Variants in CSMD1 observed in about 807,000 individuals in gnomAD.
CSMD1 encodes CUB and sushi domain-containing protein 1.
A neutral mutation model predicts 417.5 loss-of-function variants in CSMD1; 213 were observed. The observed-to-expected ratio is 0.51, with a 90% confidence interval of 0.46 to 0.57. The LOEUF is 0.57. Ranked by LOEUF, CSMD1 falls within the 20% of genes least tolerant of loss-of-function variation. The probability of loss-of-function intolerance (pLI) is 0.00; values close to 1 mark genes in which losing one functional copy is unlikely to be tolerated. For missense variants in CSMD1, 6,923 were observed against 4,529.7 expected (o/e 1.53, Z -15.17); for synonymous variants, 2,862 against 1,736.8 (o/e 1.65, Z -16.11).
At chr8:4,658,927 G>A (rs1218977473) in intron 1 of CSMD1, among the ~76,000 whole-genome samples, 1 of 152,102 alleles carries the variant, frequency 6.6e-6, no homozygotes, top group Non-Finnish European at 1.5e-5. Flanking sequence ...GATATTAATA[G>A]AACTAGATTG....
rs560400765 is a variant in CSMD1 at position 3,287,268 on chromosome 8, T to C, written c.3951-2922A>G. Among the ~76,000 whole-genome samples the C allele has an allele frequency of 2.2e-3, 326 of 151,594 alleles. 3 individuals are homozygous for C. Among genetic ancestry groups the C allele is most frequent in the African/African-American group, 7.3e-3 (303 of 41,356 alleles). On this transcript the variant is annotated intron_variant, in intron 25 of 69. Transcript: ENST00000635120. ...CCAGCTTTGTTCTTTTGGCTTAGGA[T>C]TGACTTGGTGATTCGGGCTCTTTTT...
intron 19 of CSMD1, among the ~76,000 whole-genome samples, chr8:3,368,349 T>C (rs1809734992): frequency 6.6e-6 from 1 of 152,158 alleles, no homozygotes; most frequent in Non-Finnish European, 1.5e-5. Flanking sequence ...GTTTATTTTA[T>C]TTTTTGAGAT....
intron 8 of CSMD1, among the ~76,000 whole-genome samples, chr8:3,591,115 T>C (rs981078172): frequency 2.0e-5 from 3 of 152,176 alleles, no homozygotes; most frequent in Non-Finnish European, 4.4e-5. Flanking sequence ...AGACAATTGT[T>C]AGTAGTTAGT....
intron 5 of CSMD1, among the ~76,000 whole-genome samples, chr8:3,905,865 T>G (rs1563197565): frequency 6.6e-6 from 1 of 152,230 alleles, no homozygotes. Context: ...TGGACCCAAT[T>G]TAGCAGAAGG....
At chr8:3,521,797 G>C (rs1463578018) in intron 10 of CSMD1, among the ~76,000 whole-genome samples, 1 of 152,080 alleles carries the variant, frequency 6.6e-6, no homozygotes, top group Admixed American at 6.6e-5. Context: ...GACAAAGAAT[G>C]GATTCTCTGT....
intron 1 of CSMD1, among the ~76,000 whole-genome samples, chr8:4,735,482 T>A (rs113075910): frequency 2.0e-5 from 3 of 152,174 alleles, no homozygotes; most frequent in African/African-American, 2.4e-5. Flanking sequence ...CTTTCAAACA[T>A]TGAACTTTAT....
chr8:3,213,685 GTGTA>G (rs1797735273), intron 30 of CSMD1, among the ~76,000 whole-genome samples: 1 of 146,038 alleles, frequency 6.8e-6, no homozygotes, highest in Non-Finnish European at 1.5e-5. Context: ...ATATGTGTGT[GTGTA>G]TGTATATATA....
At position 3,881,929 on chromosome 8, in the gene CSMD1, T is replaced by A. The variant is rs192167397; in HGVS notation, c.818+115974A>T. On this transcript the variant is annotated intron_variant, in intron 5 of 69. Transcript: ENST00000635120. ...CAGAAAAAGTTACCTGGATTCTTTA[T>A]AATTCCACAGAGATTACAGATCTGA... Among the ~76,000 whole-genome samples, 692 of 152,292 alleles carry A rather than the reference T, an allele frequency of 4.5e-3. 4 individuals carry two copies. Among genetic ancestry groups the A allele is most frequent in the Non-Finnish European group, 7.1e-3 (482 of 68,022 alleles).
chr8:4,766,464 A>C (rs1402148364), intron 1 of CSMD1, among the ~76,000 whole-genome samples: 5 of 152,218 alleles, frequency 3.3e-5, no homozygotes, highest in African/African-American at 1.2e-4. Context: ...TGCTTTACAA[A>C]GAAAAGAAGA....
chr8:4,187,635 C>G (rs113665919), intron 3 of CSMD1, among the ~76,000 whole-genome samples: 9,674 of 135,838 alleles, frequency 0.071, 1,097 homozygotes, highest in African/African-American at 0.25. Context: ...GAGATTGCAT[C>G]ACTGCACTCC....
intron 3 of CSMD1, among the ~76,000 whole-genome samples, chr8:4,091,061 G>A (rs899762768): frequency 4.0e-5 from 6 of 151,860 alleles, no homozygotes; most frequent in Non-Finnish European, 5.9e-5. Context: ...TGGGTCTACA[G>A]GCACCCACCA....
chr8:3,458,468 TCATA>T (rs1207383789), intron 12 of CSMD1, among the ~76,000 whole-genome samples: 3 of 152,310 alleles, frequency 2.0e-5, no homozygotes, highest in African/African-American at 7.2e-5. Flanking sequence ...CAGCATATCT[TCATA>T]CAAACTCTCC....
chr8:4,450,178 C>G (rs541774706), intron 2 of CSMD1, among the ~76,000 whole-genome samples: 1 of 152,120 alleles, frequency 6.6e-6, no homozygotes, highest in Non-Finnish European at 1.5e-5. Context: ...TAGAGTAAAA[C>G]CGAACTGGGC....
At chr8:4,105,803 T>C (rs954781433) in intron 3 of CSMD1, among the ~76,000 whole-genome samples, 1 of 152,202 alleles carries the variant, frequency 6.6e-6, no homozygotes, top group Non-Finnish European at 1.5e-5. Context: ...AAGTGTCCTT[T>C]CCACTGAGTT....
chr8:4,937,016 G>C (rs1445190102), intron 1 of CSMD1, among the ~76,000 whole-genome samples: 1 of 152,132 alleles, frequency 6.6e-6, no homozygotes, highest in Non-Finnish European at 1.5e-5. Context: ...TTGGAGACCA[G>C]CCTGGCCAAA....
chr8:3,911,454 C>G (rs2627409), intron 5 of CSMD1, among the ~76,000 whole-genome samples: 127,703 of 151,084 alleles, frequency 0.85, 54,281 homozygotes, highest in East Asian at 0.96. Flanking sequence ...CGTGAACCCG[C>G]GAGGCGGAGC....
At chr8:4,840,377 ACTTG>A (rs1364737760) in intron 1 of CSMD1, among the ~76,000 whole-genome samples, 6 of 152,244 alleles carry the variant, frequency 3.9e-5, no homozygotes, top group African/African-American at 1.2e-4. Flanking sequence ...CTAGCCGATT[ACTTG>A]CTACTAATGT....
chr8:4,965,389 AT>A (rs1289746014), intron 1 of CSMD1, among the ~76,000 whole-genome samples: 1 of 152,196 alleles, frequency 6.6e-6, no homozygotes, highest in Non-Finnish European at 1.5e-5. Flanking sequence ...CTATCTGAAT[AT>A]TTTGATTGAC....
chr8:3,033,193 C>T lies in CSMD1; in HGVS notation c.7661-3680G>A, dbSNP rs184175401. On this transcript the variant is annotated intron_variant, in intron 50 of 69. Transcript: ENST00000635120. ...TACCAAACTTCGATTTTTAAATTTCCTGTGACCACACATTTTCACAGTGAA... is the reference window on the plus strand; with the variant it reads ...TACCAAACTTCGATTTTTAAATTTCTTGTGACCACACATTTTCACAGTGAA... 1.5e-3 allele frequency among the ~76,000 whole-genome samples: 226 copies of T among 152,132 alleles called. 4 individuals are homozygous for T. Among genetic ancestry groups the T allele is most frequent in the Admixed American group, 3.8e-3 (58 of 15,262 alleles).
Sources: gnomAD v4.1 joint callset for allele counts (sites outside exome capture counted in the v4.1 genomes callset) on GRCh38, gnomAD v4.1.1 for gene constraint, MANE v1.5 for transcripts, NCBI Gene and HGNC (gene_info 2026-07-23, HGNC 2026-07-21) for gene names.